ZNF197: variants seen among roughly 807,000 people sequenced by gnomAD.
The protein encoded by ZNF197 is zinc finger protein 197, also known as VHL-associated KRAB-A domain-containing protein.
ZNF197 carries 14 observed loss-of-function variants against 27.4 expected under a neutral mutation model. The observed-to-expected ratio is 0.51, with a 90% CI of 0.34 to 0.80. The LOEUF (loss-of-function observed/expected upper bound fraction) is 0.80. Among genes scored for constraint, ZNF197 ranks in the 30% least tolerant of loss-of-function variants. The pLI, the probability that ZNF197 is intolerant of heterozygous loss-of-function variation, is 0.02. For missense variants in ZNF197, 1,090 were observed against 1,222.6 expected (o/e 0.89, Z 1.62); for synonymous variants, 415 against 420.0 (o/e 0.99, Z 0.15).
Position 44,632,509 on chromosome 3 carries a change from A to C in ZNF197, c.679A>C (p.Thr227Pro). The change falls in exon 5 of 6, where the codon ACT (threonine) becomes CCT (proline). Residue 227 changes from threonine (T) to proline (P), a missense_variant. Transcript: ENST00000344387. ...GTTCGAGGAGGTGTCAGTATGCTTC[A>C]CTTCAGAGGAATGGGCATGTCTGGG... ...VMFEEVSVCF[T>P]SEEWACLGPI... The C allele has an allele frequency of 6.2e-7, 1 of 1,608,186 alleles. No homozygotes were observed. Among genetic ancestry groups the C allele is most frequent in the Non-Finnish European group, 8.5e-7 (1 of 1,177,898 alleles).
In ZNF197 at chr3:44,634,814, A is replaced by T. The variant is rs148221675; in HGVS notation, c.769+2215A>T. Among the ~76,000 whole-genome samples, 1,337 of 152,236 alleles carry T rather than the reference A, an allele frequency of 8.8e-3. 22 individuals are homozygous for T. The highest frequency in any genetic ancestry group is 0.031 in the African/African-American group (1,278 of 41,540). On this transcript the variant is annotated intron_variant, in intron 5 of 5. Coordinates refer to ENST00000344387, the MANE Select transcript of ZNF197 (RefSeq NM_006991.5). ...TTAATCCATCTTGATATTTATCAAT[A>T]TATCTTGATACATAGAATGACATAG...
At chr3:44,638,434 C>T (rs193217135) in intron 5 of ZNF197, among the ~76,000 whole-genome samples, 4 of 152,194 alleles carry the variant, frequency 2.6e-5, no homozygotes, top group Admixed American at 2.0e-4. Context: ...TTGTATCCTG[C>T]AATCTTGCTG....
chr3:44,630,805 C>T, intron 2 of ZNF197: 1 of 633,058 alleles, frequency 1.6e-6, no homozygotes. Context: ...CTCCTTAACC[C>T]ACACCCAGGT....
rs771966838 is a variant in ZNF197 at position 44,629,493 on chromosome 3, T to G, written c.339T>G (p.Ala113=). Residue 113 remains alanine (A), a synonymous_variant, in exon 2 of 6, where the codon GCT becomes GCG. Transcript: ENST00000344387. ...QLHHPGSGEE[A]VALVEELQKD... ...ATCACCCTGGAAGTGGCGAGGAGGC[T>G]GTGGCCCTGGTAGAGGAGCTGCAGA... The G allele has an allele frequency of 7.5e-6, 12 of 1,599,028 alleles. No homozygotes were observed. Among genetic ancestry groups the G allele is most frequent in the Admixed American group, 1.7e-5 (1 of 57,428 alleles).
At position 44,644,345 on chromosome 3, in the gene ZNF197, A is replaced by G; in HGVS notation, c.*125A>G. 7.0e-7 allele frequency: 1 copy of G among 1,424,624 alleles called. No homozygotes were observed. Among genetic ancestry groups the G allele is most frequent in the Non-Finnish European group, 9.1e-7 (1 of 1,096,422 alleles). 88.2% of individuals were successfully genotyped at this position (1,424,624 alleles called of 1,614,324 possible). A position where few individuals can be genotyped will look rare whatever the true frequency, so the allele number is the denominator to read the frequency against. Reference sequence around the variant, plus strand: ...ACTAGACAAATGAGTAGCATATAGAAGAAAGTTAATAGGCCGGGCTTGGTG... The same window carrying G: ...ACTAGACAAATGAGTAGCATATAGAGGAAAGTTAATAGGCCGGGCTTGGTG... On this transcript the variant is annotated 3_prime_UTR_variant, in exon 6 of 6. Transcript: ENST00000344387.
chr3:44,644,526 T>C lies in ZNF197; in HGVS notation c.*306T>C. 1.2e-6 allele frequency: 1 copy of C among 818,494 alleles called. No homozygotes were observed. Among genetic ancestry groups the C allele is most frequent in the East Asian group, 1.0e-4 (1 of 9,956 alleles). 50.7% of individuals were successfully genotyped at this position (818,494 alleles called of 1,614,324 possible). A position where few individuals can be genotyped will look rare whatever the true frequency, so the allele number is the denominator to read the frequency against. ...GGGGGCACACACCGGTAATCCCAGCTACTCAGGAGGCTGAGACAGGAGAGT... is the reference window on the plus strand; with the variant it reads ...GGGGGCACACACCGGTAATCCCAGCCACTCAGGAGGCTGAGACAGGAGAGT... On this transcript the variant is annotated 3_prime_UTR_variant, in exon 6 of 6. Transcript: ENST00000344387.
chr3:44,635,689 T>C (rs1702248903), intron 5 of ZNF197, among the ~76,000 whole-genome samples: 1 of 152,208 alleles, frequency 6.6e-6, no homozygotes, highest in Non-Finnish European at 1.5e-5. Flanking sequence ...GTACCTCCCC[T>C]GTCAGGCTTA....
At chr3:44,633,374 G>A (rs775035078) in intron 5 of ZNF197, among the ~76,000 whole-genome samples, 47 of 152,288 alleles carry the variant, frequency 3.1e-4, no homozygotes, top group Admixed American at 7.2e-4. Context: ...CAATGGTTTA[G>A]GAGATGATTA....
chr3:44,629,059 C>G lies in ZNF197; in HGVS notation c.-81-15C>G. The G allele has an allele frequency of 3.3e-6, 5 of 1,501,152 alleles. No homozygotes were observed. Among genetic ancestry groups the G allele is most frequent in the Non-Finnish European group, 4.4e-6 (5 of 1,125,456 alleles). 93.0% of individuals were successfully genotyped at this position (1,501,152 alleles called of 1,614,324 possible). A position where few individuals can be genotyped will look rare whatever the true frequency, so the allele number is the denominator to read the frequency against. On this transcript the variant is annotated splice_polypyrimidine_tract_variant and intron_variant, in intron 1 of 5. Transcript: ENST00000344387. ...TCTGGGCTAACTTTAACAATGATTTCTTGAGGTCTTGTAGATGATACTCTC... is the reference window on the plus strand; with the variant it reads ...TCTGGGCTAACTTTAACAATGATTTGTTGAGGTCTTGTAGATGATACTCTC...
Position 44,642,099 on chromosome 3 carries a change from A to G in ZNF197, c.969A>G (p.Lys323=). The change falls in exon 6 of 6, where the codon AAA becomes AAG. Residue 323 remains lysine, a synonymous_variant. Coordinates refer to ENST00000344387, the MANE Select transcript of ZNF197 (RefSeq NM_006991.5). ...ATGAAAGGGCAGATACAGTGAAGAAAGTTTCCCTTTGTGAACGAGACAAGA... is the reference window on the plus strand; with the variant it reads ...ATGAAAGGGCAGATACAGTGAAGAAGGTTTCCCTTTGTGAACGAGACAAGA... ...ETDERADTVK[K]VSLCERDKKK... The G allele has an allele frequency of 1.9e-6, 3 of 1,614,136 alleles. No individual in the cohort carries two copies. The highest frequency in any genetic ancestry group is 2.5e-6 in the Non-Finnish European group (3 of 1,180,002).
intron 1 of ZNF197, among the ~76,000 whole-genome samples, chr3:44,628,230 A>G (rs1476514180): frequency 2.0e-5 from 3 of 151,762 alleles, no homozygotes. Context: ...TCAGAATAAT[A>G]GCAGTGATTG....
rs1364430901 is a variant in ZNF197 at position 44,640,991 on chromosome 3, T to G, written c.770-909T>G. ...TAGATAGAAGAAAAGTATTGTTATA[T>G]TCAAAGAGAAGATGATGTTACTGCT... is the stretch of plus-strand genomic sequence containing the variant. On this transcript the variant is annotated intron_variant, in intron 5 of 5. Coordinates refer to ENST00000344387, the MANE Select transcript of ZNF197 (RefSeq NM_006991.5). The surrounding 1 kb of genome is among the most constrained non-coding windows in gnomAD (Gnocchi z 4.0). 6.6e-6 allele frequency among the ~76,000 whole-genome samples: 1 copy of G among 152,236 alleles called. No individual in the cohort carries two copies. Among genetic ancestry groups the G allele is most frequent in the Non-Finnish European group, 1.5e-5 (1 of 68,046 alleles).
At chr3:44,628,583 A>G (rs1305543212) in intron 1 of ZNF197, among the ~76,000 whole-genome samples, 4 of 152,238 alleles carry the variant, frequency 2.6e-5, no homozygotes, top group Non-Finnish European at 5.9e-5. Context: ...AGGAAAGAGT[A>G]CTAGTTACAG....
Position 44,645,655 on chromosome 3 carries a change from A to G in ZNF197, c.*1435A>G. ...TCCTTGACCCGCAGTTGAGCTGATG[A>G]TCCCTGCCACAGTCATTGTGAATTC... On this transcript the variant is annotated 3_prime_UTR_variant, in exon 6 of 6. Transcript: ENST00000344387. 1.0e-6 allele frequency: 1 copy of G among 985,422 alleles called. No homozygotes were observed. 61.0% of individuals were successfully genotyped at this position (985,422 alleles called of 1,614,324 possible).
Position 44,641,541 on chromosome 3 carries a change from C to G in ZNF197, c.770-359C>G, listed in dbSNP as rs192748642. Among the ~76,000 whole-genome samples the G allele has an allele frequency of 2.6e-5, 4 of 152,330 alleles. No individual in the cohort carries two copies. The East Asian group carries it at 7.7e-4, about 29-fold the overall frequency. On this transcript the variant is annotated intron_variant, in intron 5 of 5. Coordinates refer to ENST00000344387, the MANE Select transcript of ZNF197 (RefSeq NM_006991.5). ...AAGAAAATAATAAAGAAAGTTACTTCTAATCCAATGGTTCTTGCTCTTCTA... is the reference window on the plus strand; with the variant it reads ...AAGAAAATAATAAAGAAAGTTACTTGTAATCCAATGGTTCTTGCTCTTCTA...
At chr3:44,631,407 C>CT (rs777286759) in intron 3 of ZNF197, among the ~76,000 whole-genome samples, 186 bp downstream of exon 3, 1,501 of 147,032 alleles carry the variant, frequency 0.01, 12 homozygotes, top group Middle Eastern at 0.029. Context: ...TACATCCCCC[C>CT]TTTTTTTTTT....
chr3:44,643,307 A>G lies in ZNF197; in HGVS notation c.2177A>G (p.Lys726Arg), dbSNP rs767190227. The G allele has an allele frequency of 5.6e-6, 9 of 1,613,718 alleles. No individual in the cohort carries two copies. The highest frequency in any genetic ancestry group is 7.6e-6 in the Non-Finnish European group (9 of 1,179,900). Residue 726 changes from lysine (K) to arginine (R), a missense_variant, in exon 6 of 6, where the codon AAA becomes AGA. Physicochemically the swap from Lys to Arg is conservative, Grantham distance 26. Transcript: ENST00000344387. ...IMSKSFMVHQ[K>R]LHTQEKAYKC... Reference sequence around the variant, plus strand: ...AGCAAAAGTTTTATGGTCCATCAGAAACTCCATACACAAGAGAAAGCCTAC... The same window carrying G: ...AGCAAAAGTTTTATGGTCCATCAGAGACTCCATACACAAGAGAAAGCCTAC...
chr3:44,642,813 T>G lies in ZNF197; in HGVS notation c.1683T>G (p.Ser561Arg), dbSNP rs768602708. The change falls in exon 6 of 6, where the codon AGT becomes AGG. Residue 561 changes from serine (S) to arginine (R), a missense_variant. Ser to Arg is a moderately radical substitution (Grantham distance 110, BLOSUM62 -1). Coordinates refer to ENST00000344387, the MANE Select transcript of ZNF197 (RefSeq NM_006991.5). ...TYLIDHQRLH[S>R]AENPYKCKEC... ...TTATTGACCATCAGCGACTCCACAG[T>G]GCAGAGAACCCTTACAAGTGTAAAG... The G allele has an allele frequency of 1.1e-5, 17 of 1,613,940 alleles. No individual in the cohort carries two copies. The South Asian group carries it at 1.8e-4, about 17-fold the overall frequency.
In ZNF197 at chr3:44,648,468, A is replaced by G. The variant is rs900568219; in HGVS notation, c.*4248A>G. On this transcript the variant is annotated 3_prime_UTR_variant, in exon 6 of 6. Coordinates refer to ENST00000344387, the MANE Select transcript of ZNF197 (RefSeq NM_006991.5). The stretch of plus-strand genomic sequence containing the variant: ...TTCAAAATAAAACATTTGAGGGGAA[A>G]TTATCAGGGCTTTCTACAGATTAAT... The G allele has an allele frequency of 3.3e-5, 5 of 152,174 alleles. No homozygotes were observed. The highest frequency in any genetic ancestry group is 5.9e-5 in the Non-Finnish European group (4 of 68,040). The allele number at this position is 152,174 out of a possible 1,614,324, so 9.4% of individuals were successfully genotyped here.
Sources: allele counts gnomAD v4.1 joint callset (sites outside exome capture counted in the v4.1 genomes callset), GRCh38; gene constraint gnomAD v4.1.1; non-coding constraint Gnocchi (gnomAD v3.1); transcripts MANE v1.5; gene names NCBI Gene and HGNC (gene_info 2026-07-23, HGNC 2026-07-21).